Variants in KIAA1328 observed in about 807,000 individuals in gnomAD.
KIAA1328 encodes the protein KIAA1328.
KIAA1328 carries 52 observed loss-of-function variants against 68.1 expected under a neutral mutation model. The observed-to-expected ratio is 0.76, with a 90% CI of 0.61 to 0.96. The LOEUF (loss-of-function observed/expected upper bound fraction) is 0.96. Among genes scored for constraint, KIAA1328 ranks in the 40% least tolerant of loss-of-function variants. The pLI is 0.00. For missense variants in KIAA1328, 641 were observed against 677.6 expected, an observed-to-expected ratio of 0.95 and a Z score of 0.60; for synonymous variants, 232 against 239.4, an observed-to-expected ratio of 0.97 and a Z score of 0.28.
At chr18:36,853,360 A>G (rs2047276804) in intron 4 of KIAA1328, among the ~76,000 whole-genome samples, 1 of 152,196 alleles carries the variant, frequency 6.6e-6, no homozygotes. Flanking sequence ...ATGAAAAGAC[A>G]TTTCTTTATT....
chr18:37,221,664 T>C (rs2060565870), intron 9 of KIAA1328, among the ~76,000 whole-genome samples: 1 of 152,162 alleles, frequency 6.6e-6, no homozygotes, highest in Admixed American at 6.5e-5. Context: ...TATAGGAAGG[T>C]TAAATATTTG....
intron 7 of KIAA1328, among the ~76,000 whole-genome samples, chr18:37,138,821 C>T (rs916315851): frequency 1.3e-5 from 2 of 151,794 alleles, no homozygotes; most frequent in East Asian, 3.9e-4. Context: ...AATACAGAAC[C>T]GACACATAGT....
intron 7 of KIAA1328, among the ~76,000 whole-genome samples, chr18:37,108,108 A>G (rs1453046730): frequency 6.6e-6 from 1 of 152,200 alleles, no homozygotes; most frequent in African/African-American, 2.4e-5. Flanking sequence ...AATAGCAAAG[A>G]CATAGAATGA....
chr18:36,943,577 A>G (rs1359100374), intron 5 of KIAA1328, among the ~76,000 whole-genome samples: 3 of 152,230 alleles, frequency 2.0e-5, no homozygotes, highest in African/African-American at 7.2e-5. Context: ...GTTATTTAGC[A>G]TTGTTCATTG....
intron 7 of KIAA1328, among the ~76,000 whole-genome samples, chr18:37,120,249 T>C (rs1216852697): frequency 6.8e-6 from 1 of 147,448 alleles, no homozygotes; most frequent in African/African-American, 2.6e-5. Context: ...TACAATACTT[T>C]AGCAATAAGA....
chr18:37,061,786 A>G (rs921061120), intron 6 of KIAA1328, among the ~76,000 whole-genome samples: 6 of 152,158 alleles, frequency 3.9e-5, no homozygotes, highest in South Asian at 4.1e-4. Context: ...TTCAATTTCT[A>G]TTGTCTTCCT....
At chr18:37,086,967 T>C (rs888203870) in intron 7 of KIAA1328, among the ~76,000 whole-genome samples, 2 of 152,342 alleles carry the variant, frequency 1.3e-5, no homozygotes, top group Middle Eastern at 3.4e-3. Flanking sequence ...ATGTATTGTC[T>C]CTTTTGAGAA....
At chr18:36,980,737 A>C (rs1025644549) in intron 6 of KIAA1328, among the ~76,000 whole-genome samples, 1 of 152,040 alleles carries the variant, frequency 6.6e-6, no homozygotes, top group Non-Finnish European at 1.5e-5. Flanking sequence ...GTGGGAGATG[A>C]ATGAATTATG....
chr18:36,872,072 G>A (rs915487533), intron 4 of KIAA1328, among the ~76,000 whole-genome samples: 2 of 152,102 alleles, frequency 1.3e-5, no homozygotes, highest in Non-Finnish European at 2.9e-5. Context: ...TATCTTCCCT[G>A]TGTAACAAAA....
chr18:37,016,276 C>G (rs2054149899), intron 6 of KIAA1328, among the ~76,000 whole-genome samples: 1 of 151,982 alleles, frequency 6.6e-6, no homozygotes, highest in Non-Finnish European at 1.5e-5. Flanking sequence ...GTTTTTAATT[C>G]TGTTTATGTG....
At chr18:37,220,247 T>C (rs2060531537) in intron 9 of KIAA1328, among the ~76,000 whole-genome samples, 1 of 152,266 alleles carries the variant, frequency 6.6e-6, no homozygotes, top group South Asian at 2.1e-4. Flanking sequence ...TTCTCTAGCA[T>C]GTTCTGTAAC....
At chr18:37,187,429 T>TA (rs1342799147) in intron 9 of KIAA1328, among the ~76,000 whole-genome samples, 2 of 151,976 alleles carry the variant, frequency 1.3e-5, no homozygotes, top group Non-Finnish European at 2.9e-5. Context: ...AAAAAGAAAA[T>TA]TTCAAGCCAA....
chr18:37,165,092 C>T (rs891357687), intron 8 of KIAA1328, among the ~76,000 whole-genome samples: 2 of 152,102 alleles, frequency 1.3e-5, no homozygotes, highest in Admixed American at 6.5e-5. Context: ...CTTATAAGGA[C>T]ACCAGTCACT....
rs577900279 is a variant in KIAA1328 at position 37,017,431 on chromosome 18, T to C, written c.577-49459T>C. 2.0e-5 allele frequency among the ~76,000 whole-genome samples: 3 copies of C among 152,284 alleles called. No homozygotes were observed. In the East Asian group the frequency reaches 5.8e-4, roughly 29 times the overall value. The stretch of plus-strand genomic sequence containing the variant: ...TCTGTATGCAGATGAGAAGAATGTA[T>C]ATTCTGTGGTTGATGGGTCATGTAC... On this transcript the variant is annotated intron_variant, in intron 6 of 9. Coordinates refer to ENST00000280020, the MANE Select transcript of KIAA1328 (RefSeq NM_020776.3).
In KIAA1328 at chr18:37,224,336, G is replaced by A; in HGVS notation, c.*2109G>A. 1 of 985,366 alleles carries A rather than the reference G, an allele frequency of 1.0e-6. No homozygotes were observed. Among genetic ancestry groups the A allele is most frequent in the South Asian group, 4.7e-5 (1 of 21,286 alleles). 61.0% of individuals were successfully genotyped at this position (985,366 alleles called of 1,614,324 possible). ...AGTCTAAACTAAAGGCTTTTTGGGGGTCACAGCCACAGAGTGGAGTTTTAT... is the reference window on the plus strand; with the variant it reads ...AGTCTAAACTAAAGGCTTTTTGGGGATCACAGCCACAGAGTGGAGTTTTAT... On this transcript the variant is annotated 3_prime_UTR_variant, in exon 10 of 10. Coordinates refer to ENST00000280020, the MANE Select transcript of KIAA1328 (RefSeq NM_020776.3).
At position 37,094,520 on chromosome 18, in the gene KIAA1328, G is replaced by C. The variant is rs558732979; in HGVS notation, c.1232+26975G>C. ...TTCTACATCTAGAAGTGAAAGGTCAGTGTCTACCATCATGAAAACATACAC... is the reference window on the plus strand; with the variant it reads ...TTCTACATCTAGAAGTGAAAGGTCACTGTCTACCATCATGAAAACATACAC... On this transcript the variant is annotated intron_variant, in intron 7 of 9. Transcript: ENST00000280020. Among the ~76,000 whole-genome samples the C allele has an allele frequency of 2.7e-4, 41 of 152,272 alleles. No individual in the cohort carries two copies. In the South Asian group the frequency reaches 5.8e-3, roughly 22 times the overall value.
chr18:36,933,453 G>C (rs1181918034), intron 5 of KIAA1328, among the ~76,000 whole-genome samples: 1 of 152,192 alleles, frequency 6.6e-6, no homozygotes, highest in Non-Finnish European at 1.5e-5. Context: ...ATGGCTAGTA[G>C]ATGGGTCATA....
chr18:37,193,993 A>G (rs1240891797), intron 9 of KIAA1328, among the ~76,000 whole-genome samples: 2 of 152,210 alleles, frequency 1.3e-5, no homozygotes, highest in Non-Finnish European at 2.9e-5. Flanking sequence ...ATATGCACGT[A>G]CCACAATGCA....
chr18:36,989,498 T>C (rs2053080861), intron 6 of KIAA1328, among the ~76,000 whole-genome samples: 1 of 152,172 alleles, frequency 6.6e-6, no homozygotes, highest in Non-Finnish European at 1.5e-5. Context: ...CCGATTCTAA[T>C]TTTTTAAAAA....
Sources: gnomAD v4.1 joint callset for allele counts (sites outside exome capture counted in the v4.1 genomes callset) on GRCh38, gnomAD v4.1.1 for gene constraint, MANE v1.5 for transcripts, NCBI Gene and HGNC (gene_info 2026-07-23, HGNC 2026-07-21) for gene names.